The following CRIM1 variants were observed in gnomAD, a reference collection of about 807,000 sequenced individuals.
The protein encoded by CRIM1 is cysteine-rich motor neuron 1 protein.
A neutral mutation model predicts 116.4 loss-of-function variants in CRIM1; 32 were observed. The ratio of observed to expected loss-of-function variants is 0.27; its 90% CI spans 0.21 to 0.37. The LOEUF is 0.37. CRIM1 is among the 10% of genes least tolerant of loss of function. The probability of loss-of-function intolerance (pLI) is 1.00; values close to 1 mark genes in which losing one functional copy is unlikely to be tolerated. For missense variants in CRIM1, 1,331 were observed against 1,354.8 expected, an observed-to-expected ratio of 0.98 and a Z score of 0.28; for synonymous variants, 590 against 509.2, an observed-to-expected ratio of 1.16 and a Z score of -2.13.
intron 7 of CRIM1, among the ~76,000 whole-genome samples, chr2:36,496,899 T>G (rs1680638952): frequency 6.6e-6 from 1 of 152,164 alleles, no homozygotes; most frequent in African/African-American, 2.4e-5. Flanking sequence ...TCTAATATAT[T>G]TTTTAAAAAA....
chr2:36,529,957 C>T (rs1044891210), intron 13 of CRIM1, among the ~76,000 whole-genome samples: 11 of 152,084 alleles, frequency 7.2e-5, no homozygotes, highest in Admixed American at 3.3e-4. Context: ...AAGATTGAGG[C>T]AGTATGGAGA....
At chr2:36,376,605 G>A (rs1238528615) in intron 1 of CRIM1, among the ~76,000 whole-genome samples, 4 of 152,200 alleles carry the variant, frequency 2.6e-5, no homozygotes, top group African/African-American at 9.6e-5. Context: ...AGGGGTAAAT[G>A]CTGGCTGGAT....
At chr2:36,374,324 A>G (rs1172394506) in intron 1 of CRIM1, among the ~76,000 whole-genome samples, 1 of 152,200 alleles carries the variant, frequency 6.6e-6, no homozygotes, top group African/African-American at 2.4e-5. Context: ...GCTGGAGCCA[A>G]ATGTTGGGCC....
At chr2:36,392,983 T>C in intron 1 of CRIM1, among the ~76,000 whole-genome samples, 1 of 152,206 alleles carries the variant, frequency 6.6e-6, no homozygotes. Flanking sequence ...GCCAGGAAAC[T>C]TCTGCTGAGA....
intron 5 of CRIM1, among the ~76,000 whole-genome samples, chr2:36,466,803 A>C (rs556025633): frequency 2.0e-5 from 3 of 152,344 alleles, no homozygotes; most frequent in African/African-American, 7.2e-5. Flanking sequence ...GGAATCCTCC[A>C]TCTATTTACT....
rs1214838493 is a variant in CRIM1 at position 36,423,579 on chromosome 2, G to T, written c.506-17679G>T. 3.3e-5 allele frequency among the ~76,000 whole-genome samples: 5 copies of T among 152,312 alleles called. No homozygotes were observed. The East Asian group carries it at 9.6e-4, about 29-fold the overall frequency. On this transcript the variant is annotated intron_variant, in intron 2 of 16. Coordinates refer to ENST00000280527, the MANE Select transcript of CRIM1 (RefSeq NM_016441.3). ...CCTTTTGCGATTGTTGTGTAGCTAG[G>T]ATCGGAAGGCTTTGTAAACTTGATA...
chr2:36,538,134 A>C (rs982837049), intron 14 of CRIM1, among the ~76,000 whole-genome samples: 1 of 152,058 alleles, frequency 6.6e-6, no homozygotes, highest in Non-Finnish European at 1.5e-5. Flanking sequence ...CCCCATGCCT[A>C]CATCTTTCCC....
chr2:36,437,620 G>A (rs1384597936), intron 2 of CRIM1, among the ~76,000 whole-genome samples: 1 of 152,130 alleles, frequency 6.6e-6, no homozygotes, highest in African/African-American at 2.4e-5. Flanking sequence ...AAGTTGAAAA[G>A]CATTTAATAA....
chr2:36,519,997 C>T (rs1216963447), intron 12 of CRIM1, among the ~76,000 whole-genome samples: 1 of 152,046 alleles, frequency 6.6e-6, no homozygotes, highest in Non-Finnish European at 1.5e-5. Flanking sequence ...CGTTTGGAAA[C>T]AGAAGTGTAA....
intron 10 of CRIM1, 120 bp downstream of exon 10, chr2:36,512,514 C>A: frequency 8.9e-7 from 1 of 1,123,146 alleles, no homozygotes; most frequent in South Asian, 1.6e-5. Context: ...ACACAAATGT[C>A]AGTCTCTGTG....
chr2:36,379,322 C>T (rs549544137), intron 1 of CRIM1: 1 of 152,286 alleles, frequency 6.6e-6, no homozygotes, highest in African/African-American at 2.4e-5. Flanking sequence ...CAAATGCTTT[C>T]CTTCTTTCTC....
At chr2:36,450,933 G>A (rs114177768) in intron 4 of CRIM1, among the ~76,000 whole-genome samples, 114 of 152,232 alleles carry the variant, frequency 7.5e-4, no homozygotes, top group Middle Eastern at 6.8e-3. Context: ...AAGTTTTCTG[G>A]GGTTCCAGAA....
Position 36,476,970 on chromosome 2 carries a change from G to T in CRIM1, c.1073G>T (p.Arg358Leu), listed in dbSNP as rs761241012. The part of the protein sequence containing the change: ...MFRMDNCRFC[R>L]CQGGVAICFT... ...CGAATGGACAACTGTCGGTTCTGTC[G>T]ATGCCAAGGGGGCGTTGCCATCTGC... Residue 358 changes from arginine (R) to leucine (L), a missense_variant, in exon 6 of 17, where the codon CGA becomes CTA. By Grantham distance (102) the Arg-to-Leu change is moderately radical (BLOSUM62 -2). This residue lies in a region of CRIM1 where 690 missense variants were observed against 676.0 expected (regional missense o/e 1.02). Transcript: ENST00000280527. 2 of 1,614,062 alleles carry T rather than the reference G, an allele frequency of 1.2e-6. No homozygotes were observed. Among genetic ancestry groups the T allele is most frequent in the East Asian group, 2.2e-5 (1 of 44,878 alleles).
intron 2 of CRIM1, among the ~76,000 whole-genome samples, chr2:36,427,425 C>T (rs982069912): frequency 6.6e-6 from 1 of 152,082 alleles, no homozygotes; most frequent in Non-Finnish European, 1.5e-5. Flanking sequence ...AGAACAAGAG[C>T]AGAGAAGCAC....
intron 13 of CRIM1, among the ~76,000 whole-genome samples, chr2:36,532,229 G>T (rs1295345890): frequency 1.3e-5 from 2 of 152,196 alleles, no homozygotes; most frequent in African/African-American, 2.4e-5. Context: ...CATTGGAAGA[G>T]TTTACAGCCT....
chr2:36,425,342 A>G (rs1042239466), intron 2 of CRIM1, among the ~76,000 whole-genome samples: 1 of 152,254 alleles, frequency 6.6e-6, no homozygotes, highest in Non-Finnish European at 1.5e-5. Flanking sequence ...AAATAATATC[A>G]GAAGATCAAC....
chr2:36,391,168 C>G (rs1305970136), intron 1 of CRIM1, among the ~76,000 whole-genome samples: 1 of 109,966 alleles, frequency 9.1e-6, no homozygotes, highest in African/African-American at 3.6e-5. Flanking sequence ...CTTGCTCTGT[C>G]ACCCAGGCTG....
chr2:36,473,842 G>A (rs1678742052), intron 5 of CRIM1, among the ~76,000 whole-genome samples: 1 of 151,982 alleles, frequency 6.6e-6, no homozygotes, highest in South Asian at 2.1e-4. Flanking sequence ...GTGCTTTTTT[G>A]TGGGTATATA....
chr2:36,499,394 A>G (rs1401264384), intron 8 of CRIM1, 47 bp downstream of exon 8: 1 of 1,559,506 alleles, frequency 6.4e-7, no homozygotes, highest in African/African-American at 1.4e-5. Context: ...CTAATATGAT[A>G]TTGTCAAAGC....
Sources: allele counts gnomAD v4.1 joint callset (sites outside exome capture counted in the v4.1 genomes callset), GRCh38; gene constraint gnomAD v4.1.1; regional missense constraint gnomAD v4.1.1; transcripts MANE v1.5; gene names NCBI Gene and HGNC (gene_info 2026-07-23, HGNC 2026-07-21).